The following SBF2 variants were observed in gnomAD, a reference collection of about 807,000 sequenced individuals.
SBF2 encodes myotubularin-related protein 13.
SBF2 carries 112 observed loss-of-function variants against 225.2 expected under a neutral mutation model. That is an observed-to-expected ratio of 0.50 (90% CI 0.43 to 0.58). The LOEUF is 0.58. Ranked by LOEUF, SBF2 falls within the 20% of genes least tolerant of loss-of-function variation. SBF2 has a pLI of 0.00. For synonymous variants in SBF2, 763 were observed against 773.3 expected (o/e 0.99, Z 0.22); for missense variants, 1,996 against 2,206.2 (o/e 0.90, Z 1.91).
intron 1 of SBF2, among the ~76,000 whole-genome samples, chr11:10,200,324 G>A (rs953939418): frequency 6.6e-6 from 1 of 152,194 alleles, no homozygotes; most frequent in Non-Finnish European, 1.5e-5. Context: ...ACCAGTATGA[G>A]TAGGTGCATG....
chr11:9,789,413 C>G, intron 34 of SBF2, 71 bp from the exon 35 acceptor site: 1 of 1,091,746 alleles, frequency 9.2e-7, no homozygotes, highest in Non-Finnish European at 1.4e-6. Flanking sequence ...CAGGCAAACC[C>G]CTAACATTTA....
chr11:10,218,399 T>G (rs1958214249), intron 1 of SBF2, among the ~76,000 whole-genome samples: 1 of 129,216 alleles, frequency 7.7e-6, no homozygotes, highest in African/African-American at 2.9e-5. Context: ...GAGCTAAAAT[T>G]CAAGCTAAGA....
At chr11:10,229,809 T>C (rs1162174469) in intron 1 of SBF2, among the ~76,000 whole-genome samples, 2 of 152,172 alleles carry the variant, frequency 1.3e-5, no homozygotes, top group African/African-American at 4.8e-5. Flanking sequence ...GGTGGAGAGT[T>C]CTGTAGATGT....
chr11:9,854,363 A>G (rs977190906), intron 19 of SBF2, among the ~76,000 whole-genome samples: 1 of 152,170 alleles, frequency 6.6e-6, no homozygotes, highest in Non-Finnish European at 1.5e-5. Context: ...TGAAAGCTCA[A>G]TCTCTGCCCT....
At chr11:9,787,561 G>T in intron 36 of SBF2, 73 bp downstream of exon 36, 2 of 1,284,176 alleles carry the variant, frequency 1.6e-6, no homozygotes, top group South Asian at 1.2e-5. Flanking sequence ...TGTCACCTGT[G>T]GCAGCAGGCT....
chr11:10,103,701 G>A (rs1952418360), intron 2 of SBF2, among the ~76,000 whole-genome samples: 1 of 152,182 alleles, frequency 6.6e-6, no homozygotes, highest in South Asian at 2.1e-4. Flanking sequence ...GTAGAATGAA[G>A]GGAAATAACT....
rs189108241 is a variant in SBF2 at position 9,925,298 on chromosome 11, A to T, written c.1861-29287T>A. Among the ~76,000 whole-genome samples, 504 of 152,104 alleles carry T rather than the reference A, an allele frequency of 3.3e-3. 1 individual carries two copies. Among genetic ancestry groups the T allele is most frequent in the African/African-American group, 4.8e-3 (200 of 41,534 alleles). On this transcript the variant is annotated intron_variant, in intron 16 of 39. Coordinates refer to ENST00000256190, the MANE Select transcript of SBF2 (RefSeq NM_030962.4). ...AGTCACTAATGATATATATATATAT[A>T]TATTTTTAGATGGAGTTTTGCTCTT...
At chr11:10,004,994 G>A (rs541476453) in intron 6 of SBF2, among the ~76,000 whole-genome samples, 1 of 152,248 alleles carries the variant, frequency 6.6e-6, no homozygotes, top group South Asian at 2.1e-4. Context: ...GGGAAGGAGA[G>A]GATCCCCCAC....
chr11:9,791,693 T>C (rs1269740987), intron 33 of SBF2, among the ~76,000 whole-genome samples: 1 of 152,256 alleles, frequency 6.6e-6, no homozygotes, highest in Non-Finnish European at 1.5e-5. Flanking sequence ...ATGTCCAAAG[T>C]TGCAAATGCT....
chr11:10,097,180 C>T (rs902091378), intron 2 of SBF2, among the ~76,000 whole-genome samples: 5 of 152,284 alleles, frequency 3.3e-5, no homozygotes, highest in Non-Finnish European at 5.9e-5. Context: ...CCGTCACTTT[C>T]GCCATTTGAG....
At chr11:10,011,320 A>C (rs1172908819) in intron 6 of SBF2, among the ~76,000 whole-genome samples, 1 of 152,086 alleles carries the variant, frequency 6.6e-6, no homozygotes, top group Non-Finnish European at 1.5e-5. Context: ...TCTGCCTCCC[A>C]GGTTTAAATG....
intron 6 of SBF2, among the ~76,000 whole-genome samples, chr11:10,023,531 C>T (rs114439605): frequency 1.9e-3 from 292 of 152,316 alleles, no homozygotes; most frequent in African/African-American, 6.5e-3. Context: ...TTATTTCTCA[C>T]GGCCCTATCC....
chr11:10,025,855 C>G (rs1949034071), intron 6 of SBF2, among the ~76,000 whole-genome samples: 1 of 152,116 alleles, frequency 6.6e-6, no homozygotes, highest in African/African-American at 2.4e-5. Flanking sequence ...CCTGCCTTGG[C>G]CTCCTAAAGT....
At chr11:10,241,557 CA>C (rs142811901) in intron 1 of SBF2, among the ~76,000 whole-genome samples, 18,032 of 151,236 alleles carry the variant, frequency 0.12, 1,206 homozygotes, top group African/African-American at 0.13. Flanking sequence ...CAACACAAAA[CA>C]AAAAAAGGCG....
intron 13 of SBF2, among the ~76,000 whole-genome samples, chr11:9,987,428 C>G (rs1347312238): frequency 6.6e-6 from 1 of 152,026 alleles, no homozygotes; most frequent in Non-Finnish European, 1.5e-5. Context: ...AACAATCAGA[C>G]AAGAGAAAGA....
chr11:10,206,264 C>G (rs531247936), intron 1 of SBF2, among the ~76,000 whole-genome samples: 4 of 150,954 alleles, frequency 2.6e-5, no homozygotes, highest in African/African-American at 9.7e-5. Context: ...GACAGAAGGG[C>G]TATATTTAAT....
chr11:10,260,882 A>G (rs1961361661), intron 1 of SBF2, among the ~76,000 whole-genome samples: 1 of 151,710 alleles, frequency 6.6e-6, no homozygotes, highest in African/African-American at 2.4e-5. Flanking sequence ...TGCCTCAAAA[A>G]AGAAAAGAAA....
chr11:9,968,425 G>A lies in SBF2; in HGVS notation c.1516C>T (p.Gln506Ter). The A allele has an allele frequency of 6.2e-7, 1 of 1,614,038 alleles. No individual in the cohort carries two copies. Among genetic ancestry groups the A allele is most frequent in the Non-Finnish European group, 8.5e-7 (1 of 1,179,966 alleles). The change falls in exon 14 of 40, where the codon CAG becomes TAG. Residue 506 changes from glutamine (Q) to a stop codon, truncating the protein, a stop_gained. Transcript: ENST00000256190. LOFTEE classifies it high-confidence loss of function. ...TTCTGGTTCTTAGCAACATTTTCCT[G>A]TATTAATTCCTGAACCCGGGCTTCA... ...INEARVQELI[Q>*]ENVAKNQNAP...
intron 9 of SBF2, among the ~76,000 whole-genome samples, chr11:9,996,624 C>T (rs1258636850): frequency 3.3e-5 from 5 of 151,930 alleles, no homozygotes; most frequent in Admixed American, 6.6e-5. Context: ...CTCCTGACCT[C>T]GTGATCTGCC....
Sources: gnomAD v4.1 joint callset for allele counts (sites outside exome capture counted in the v4.1 genomes callset) on GRCh38, gnomAD v4.1.1 for gene constraint, MANE v1.5 for transcripts, NCBI Gene and HGNC (gene_info 2026-07-23, HGNC 2026-07-21) for gene names.